Variants in SPAG16 observed in about 807,000 individuals in gnomAD.
SPAG16 encodes sperm associated antigen 16.
A neutral mutation model predicts 80.4 loss-of-function variants in SPAG16; 86 were observed. That is an observed-to-expected ratio of 1.07 (90% confidence interval 0.90 to 1.28). The LOEUF is 1.28. Among genes scored for constraint, SPAG16 ranks in the 50% most tolerant of loss-of-function variants. The probability of loss-of-function intolerance (pLI) is 0.00; values close to 1 mark genes in which losing one functional copy is unlikely to be tolerated. For missense variants in SPAG16, 870 were observed against 765.3 expected, an observed-to-expected ratio of 1.14 and a Z score of -1.61; for synonymous variants, 294 against 265.9, an observed-to-expected ratio of 1.11 and a Z score of -1.03.
At chr2:214,002,804 C>T (rs1013748104) in intron 12 of SPAG16, among the ~76,000 whole-genome samples, 2 of 152,150 alleles carry the variant, frequency 1.3e-5, no homozygotes, top group African/African-American at 4.8e-5. Flanking sequence ...TTGAATGGTG[C>T]CCTCTTACAT....
intron 8 of SPAG16, among the ~76,000 whole-genome samples, chr2:213,372,744 C>T (rs1225729029): frequency 2.0e-5 from 3 of 151,960 alleles, no homozygotes; most frequent in African/African-American, 7.3e-5. Context: ...TCTTCAAAAC[C>T]TTTTTCAGTT....
chr2:213,460,283 T>C (rs1232655019), intron 9 of SPAG16, among the ~76,000 whole-genome samples: 1 of 152,206 alleles, frequency 6.6e-6, no homozygotes, highest in Admixed American at 6.5e-5. Context: ...GTTACCATCT[T>C]CTCCAAATAT....
At chr2:214,141,695 G>A (rs550790577) in intron 14 of SPAG16, among the ~76,000 whole-genome samples, 12 of 151,618 alleles carry the variant, frequency 7.9e-5, no homozygotes, top group South Asian at 4.2e-4. Flanking sequence ...TTTTTCCCCC[G>A]GTACAATGAG....
chr2:214,408,666 TTATAAAATGGA>T lies in SPAG16; in HGVS notation c.1721-1473_1721-1463del, dbSNP rs1702128761. Among the ~76,000 whole-genome samples the T allele has an allele frequency of 2.0e-5, 3 of 152,326 alleles. No individual in the cohort carries two copies. The South Asian group carries it at 6.2e-4, about 32-fold the overall frequency. On this transcript the variant is annotated intron_variant, in intron 15 of 15. Transcript: ENST00000331683. ...TGGTGATATAATTCTAGAATTCTTATTATAAAATGGACCAATGCTATTTTCACAATATATCA... is the reference window on the plus strand; with the variant it reads ...TGGTGATATAATTCTAGAATTCTTATCCAATGCTATTTTCACAATATATCA...
intron 15 of SPAG16, chr2:214,240,176 T>C (rs1217269208): frequency 1.2e-4 from 18 of 152,146 alleles, no homozygotes. Flanking sequence ...CTTTCCACCT[T>C]GCCCTGGTGG....
chr2:214,253,708 C>T (rs911708799), intron 15 of SPAG16, among the ~76,000 whole-genome samples: 2 of 152,046 alleles, frequency 1.3e-5, no homozygotes, highest in South Asian at 4.1e-4. Context: ...TTGCTGTACA[C>T]TCATAGTATA....
At chr2:214,380,039 C>G (rs1453621847) in intron 15 of SPAG16, among the ~76,000 whole-genome samples, 1 of 152,142 alleles carries the variant, frequency 6.6e-6, no homozygotes, top group Middle Eastern at 3.2e-3. Flanking sequence ...ATTCTTAGTT[C>G]CAGACATAGT....
chr2:214,289,638 A>G (rs1357294393), intron 15 of SPAG16, among the ~76,000 whole-genome samples: 1 of 152,178 alleles, frequency 6.6e-6, no homozygotes, highest in African/African-American at 2.4e-5. Context: ...ATAGCCGTCT[A>G]ACATATTTTG....
At chr2:214,112,562 G>T (rs1353155187) in intron 14 of SPAG16, among the ~76,000 whole-genome samples, 1 of 150,930 alleles carries the variant, frequency 6.6e-6, no homozygotes, top group Non-Finnish European at 1.5e-5. Context: ...TTACCGTTAT[G>T]TAATGGCTTC....
At chr2:214,103,823 G>C (rs1334811080) in intron 13 of SPAG16, among the ~76,000 whole-genome samples, 3 of 152,054 alleles carry the variant, frequency 2.0e-5, no homozygotes, top group African/African-American at 7.2e-5. Context: ...TGAGAACCGG[G>C]TGTACCTTGT....
intron 7 of SPAG16, among the ~76,000 whole-genome samples, chr2:213,362,799 T>C (rs1330932979): frequency 6.6e-6 from 1 of 152,180 alleles, no homozygotes; most frequent in African/African-American, 2.4e-5. Flanking sequence ...GGGTAATTTA[T>C]AAGGAAAAGA....
At chr2:213,848,588 A>G (rs1210926089) in intron 10 of SPAG16, among the ~76,000 whole-genome samples, 1 of 152,154 alleles carries the variant, frequency 6.6e-6, no homozygotes, top group Non-Finnish European at 1.5e-5. Context: ...TTGTAGTTAT[A>G]TCTATCTGGT....
intron 10 of SPAG16, among the ~76,000 whole-genome samples, chr2:213,560,139 T>C (rs1300035022): frequency 6.6e-6 from 1 of 152,134 alleles, no homozygotes; most frequent in Non-Finnish European, 1.5e-5. Context: ...TATCCTCTTA[T>C]TTCCAATTTT....
intron 15 of SPAG16, among the ~76,000 whole-genome samples, chr2:214,373,228 T>C (rs1699926483): frequency 6.6e-6 from 1 of 152,140 alleles, no homozygotes; most frequent in Non-Finnish European, 1.5e-5. Flanking sequence ...ATAATATCTT[T>C]AATAAAATGT....
intron 15 of SPAG16, among the ~76,000 whole-genome samples, chr2:214,186,732 A>G (rs568146896): frequency 6.6e-6 from 1 of 152,156 alleles, no homozygotes; most frequent in East Asian, 1.9e-4. Context: ...ATACAGAAAC[A>G]TGCAATATGC....
intron 10 of SPAG16, among the ~76,000 whole-genome samples, chr2:213,558,866 C>T (rs1217906558): frequency 6.6e-6 from 1 of 152,214 alleles, no homozygotes; most frequent in South Asian, 2.1e-4. Flanking sequence ...TTGCTCTTCT[C>T]TCCTCTCTCA....
At chr2:213,418,818 T>C (rs1169287860) in intron 9 of SPAG16, among the ~76,000 whole-genome samples, 2 of 152,222 alleles carry the variant, frequency 1.3e-5, no homozygotes, top group African/African-American at 4.8e-5. Context: ...TGGAAAGCTT[T>C]GTATAGATGA....
chr2:213,285,945 T>C (rs1207371763), intron 1 of SPAG16: 1 of 1,281,684 alleles, frequency 7.8e-7, no homozygotes, highest in Non-Finnish European at 1.0e-6. Context: ...TAATTTTGTT[T>C]GCATTAAAAT....
chr2:213,451,975 C>T (rs1279876484), intron 9 of SPAG16, among the ~76,000 whole-genome samples: 1 of 151,332 alleles, frequency 6.6e-6, no homozygotes, highest in Non-Finnish European at 1.5e-5. Context: ...TCCACTCCCG[C>T]GCTTCCAGCT....
Sources: allele counts gnomAD v4.1 joint callset (sites outside exome capture counted in the v4.1 genomes callset), GRCh38; gene constraint gnomAD v4.1.1; transcripts MANE v1.5; gene names NCBI Gene and HGNC (gene_info 2026-07-23, HGNC 2026-07-21).